Variants in ST3GAL6 observed in about 807,000 individuals in gnomAD.
ST3GAL6 encodes type 2 lactosamine alpha-2,3-sialyltransferase.
ST3GAL6 carries 31 observed loss-of-function variants against 40.5 expected under a neutral mutation model. The observed-to-expected ratio is 0.77, with a 90% CI of 0.58 to 1.03. The LOEUF is 1.03. ST3GAL6 is among the 50% of genes least tolerant of loss of function. The pLI is 0.00. For missense variants in ST3GAL6, 357 were observed against 393.2 expected, an observed-to-expected ratio of 0.91 and a Z score of 0.78; for synonymous variants, 129 against 136.9, an observed-to-expected ratio of 0.94 and a Z score of 0.40.
chr3:98,751,727 T>G (rs1264659134), intron 1 of ST3GAL6, among the ~76,000 whole-genome samples: 1 of 152,170 alleles, frequency 6.6e-6, no homozygotes, highest in Non-Finnish European at 1.5e-5. Flanking sequence ...TGAAAAAAAT[T>G]GGTTTTGATG....
chr3:98,733,866 T>C (rs1463446253), intron 1 of ST3GAL6, among the ~76,000 whole-genome samples: 1 of 152,144 alleles, frequency 6.6e-6, no homozygotes, highest in Non-Finnish European at 1.5e-5. Flanking sequence ...TGAAAGGTAA[T>C]GTTTAAAAAC....
intron 1 of ST3GAL6, among the ~76,000 whole-genome samples, chr3:98,742,700 T>C (rs1012006853): frequency 2.7e-5 from 4 of 149,886 alleles, no homozygotes; most frequent in South Asian, 4.2e-4. Context: ...CTTTCTTTTT[T>C]TTTTTTTTTC....
At chr3:98,771,568 G>C (rs1383917718) in intron 3 of ST3GAL6, among the ~76,000 whole-genome samples, 1 of 151,958 alleles carries the variant, frequency 6.6e-6, no homozygotes, top group African/African-American at 2.4e-5. Context: ...TGTTTAATTG[G>C]GTAAAACAGG....
At chr3:98,750,404 C>T (rs1936914325) in intron 1 of ST3GAL6, among the ~76,000 whole-genome samples, 1 of 151,474 alleles carries the variant, frequency 6.6e-6, no homozygotes, top group Admixed American at 6.6e-5. Flanking sequence ...TCATCTGCCT[C>T]AAAATCAGGG....
intron 1 of ST3GAL6, among the ~76,000 whole-genome samples, chr3:98,737,425 TTTTC>T (rs1281567052): frequency 6.6e-6 from 1 of 152,186 alleles, no homozygotes; most frequent in African/African-American, 2.4e-5. Context: ...AGTTGCCTTT[TTTTC>T]TTTCTACTAA....
intron 1 of ST3GAL6, among the ~76,000 whole-genome samples, chr3:98,749,380 T>C (rs1936812529): frequency 1.3e-5 from 2 of 152,244 alleles, no homozygotes; most frequent in Admixed American, 6.5e-5. Flanking sequence ...GATAGTGGTA[T>C]ATGTGTTGTC....
rs112477823 is a variant in ST3GAL6, at chr3:98,749,540, A to T, written c.-12+17008A>T. Among the ~76,000 whole-genome samples, 980 of 152,328 alleles carry T rather than the reference A, an allele frequency of 6.4e-3. 12 individuals are homozygous for T. Among genetic ancestry groups the T allele is most frequent in the African/African-American group, 0.023 (938 of 41,568 alleles). ...GTAAGGGAAAAAAATCAGATTGGAG[A>T]GGATATTTCCTAAGGGCCAGAATAA... On this transcript the variant is annotated intron_variant, in intron 1 of 9. Transcript: ENST00000265261.
chr3:98,732,823 C>G, intron 1 of ST3GAL6: 1 of 1,490,572 alleles, frequency 6.7e-7, no homozygotes, highest in Non-Finnish European at 8.9e-7. Flanking sequence ...GCCCGCGCCA[C>G]CTTCCTTTGG....
chr3:98,782,429 C>A, intron 5 of ST3GAL6: 1 of 628,234 alleles, frequency 1.6e-6, no homozygotes. Context: ...TCACAATAGC[C>A]AGATCTGAAT....
In ST3GAL6 at chr3:98,794,475, A is replaced by G. The variant is rs1156618189; in HGVS notation, c.*714A>G. ...TAAGCTAGGCAAGCTCAAGAAGGAA[A>G]AAAAAATCTTGAACATTATTTTTTT... On this transcript the variant is annotated 3_prime_UTR_variant, in exon 10 of 10. Transcript: ENST00000483910. 6.6e-6 allele frequency: 1 copy of G among 152,232 alleles called. No individual in the cohort carries two copies. Among genetic ancestry groups the G allele is most frequent in the East Asian group, 1.9e-4 (1 of 5,206 alleles). 9.4% of individuals were successfully genotyped at this position (152,232 alleles called of 1,614,324 possible). A position where few individuals can be genotyped will look rare whatever the true frequency, so the allele number is the denominator to read the frequency against.
rs1235105961 is a variant in ST3GAL6, at chr3:98,791,656, A to AT, written c.757-179dup. Among the ~76,000 whole-genome samples the AT allele has an allele frequency of 1.4e-4, 21 of 152,274 alleles. No individual in the cohort carries two copies. In the East Asian group the frequency reaches 3.9e-3, roughly 28 times the overall value. ...CTAAGATTTCAATCACAGTTTATAT[A>AT]TTTTTTAGAGTTAAGGTATATATGC... On this transcript the variant is annotated intron_variant, in intron 8 of 9. Coordinates refer to ENST00000483910, the MANE Select transcript of ST3GAL6 (RefSeq NM_001323368.2).
At chr3:98,785,183 G>A in intron 6 of ST3GAL6, 143 bp downstream of exon 6, 1 of 596,958 alleles carries the variant, frequency 1.7e-6, no homozygotes, top group Admixed American at 3.1e-5. Flanking sequence ...CTTGGTTGTT[G>A]GCTAGAGTTA....
intron 5 of ST3GAL6, among the ~76,000 whole-genome samples, chr3:98,778,529 C>A (rs899505658): frequency 1.3e-5 from 2 of 152,192 alleles, no homozygotes; most frequent in African/African-American, 4.8e-5. Flanking sequence ...CAGAGTGAAT[C>A]ATTTGTGGTG....
chr3:98,745,515 G>T (rs1001237985), intron 1 of ST3GAL6, among the ~76,000 whole-genome samples: 1 of 152,096 alleles, frequency 6.6e-6, no homozygotes, highest in Admixed American at 6.6e-5. Flanking sequence ...ACTGTCCTTT[G>T]GTCTTTAATG....
At chr3:98,736,553 A>G (rs545525643) in intron 1 of ST3GAL6, among the ~76,000 whole-genome samples, 3 of 152,230 alleles carry the variant, frequency 2.0e-5, no homozygotes, top group Admixed American at 2.0e-4. Context: ...CAGAGTCACT[A>G]TGCTGAAAGA....
chr3:98,743,775 T>C (rs892937057), intron 1 of ST3GAL6, among the ~76,000 whole-genome samples: 7 of 152,178 alleles, frequency 4.6e-5, no homozygotes, highest in African/African-American at 1.7e-4. Flanking sequence ...ATTAATTCTT[T>C]CCTGTTTCTC....
chr3:98,785,145 GTT>G, intron 6 of ST3GAL6, 105 bp downstream of exon 6: 1 of 658,802 alleles, frequency 1.5e-6, no homozygotes. Context: ...TTTCCATTTG[GTT>G]TTTTTTTTAT....
intron 1 of ST3GAL6, among the ~76,000 whole-genome samples, chr3:98,750,779 A>G (rs1936949916): frequency 1.3e-5 from 2 of 152,172 alleles, no homozygotes; most frequent in African/African-American, 4.8e-5. Flanking sequence ...TGCATCCTGT[A>G]TTAGGCAGTC....
intron 8 of ST3GAL6, among the ~76,000 whole-genome samples, chr3:98,791,022 CAT>C (rs1941161958): frequency 6.6e-6 from 1 of 151,984 alleles, no homozygotes; most frequent in African/African-American, 2.4e-5. Context: ...CATAGTAAGT[CAT>C]ATGTAATTTC....
Sources: gnomAD v4.1 joint callset for allele counts (sites outside exome capture counted in the v4.1 genomes callset) on GRCh38, gnomAD v4.1.1 for gene constraint, MANE v1.5 for transcripts, NCBI Gene and HGNC (gene_info 2026-07-23, HGNC 2026-07-21) for gene names.